The following AKAP12 variants were observed in gnomAD, a reference collection of about 807,000 sequenced individuals.
AKAP12 encodes A-kinase anchoring protein 12, also known as A-kinase anchor protein 12.
A neutral mutation model predicts 79.9 loss-of-function variants in AKAP12; 32 were observed. The observed-to-expected ratio is 0.40, with a 90% confidence interval of 0.30 to 0.54. The LOEUF is 0.54. Among genes scored for constraint, AKAP12 ranks in the 20% least tolerant of loss-of-function variants. AKAP12 has a pLI of 0.48. For synonymous variants in AKAP12, 808 were observed against 857.0 expected, an observed-to-expected ratio of 0.94 and a Z score of 1.00; for missense variants, 2,074 against 2,177.0, an observed-to-expected ratio of 0.95 and a Z score of 0.94.
At chr6:151,257,713 C>G (rs1352092268) in intron 2 of AKAP12, among the ~76,000 whole-genome samples, 1 of 152,124 alleles carries the variant, frequency 6.6e-6, no homozygotes, top group Non-Finnish European at 1.5e-5. Flanking sequence ...TGATTTTATT[C>G]TTTTTTATGG....
At chr6:151,303,601 T>G (rs4140529) in intron 2 of AKAP12, among the ~76,000 whole-genome samples, 59,396 of 151,946 alleles carry the variant, frequency 0.39, 12,141 homozygotes, top group East Asian at 0.69. Flanking sequence ...CAGTGGTGAG[T>G]CCAGAGTCAT....
At chr6:151,282,063 C>T (rs1776420918) in intron 2 of AKAP12, among the ~76,000 whole-genome samples, 1 of 151,714 alleles carries the variant, frequency 6.6e-6, no homozygotes, top group Non-Finnish European at 1.5e-5. Context: ...CCTCCTGTTC[C>T]CGCTCTCAGC....
Position 151,352,467 on chromosome 6 carries a change from A to G in AKAP12, c.4076A>G (p.Glu1359Gly), listed in dbSNP as rs1332585799. ...EPTHVNEEKL[E>G]HETAVTVSEE... is the part of the protein sequence containing the mutation. ...ACCCATGTGAATGAAGAGAAGCTTG[A>G]GCACGAAACAGCTGTTACCGTATCT... The change falls in exon 4 of 5, where the codon GAG becomes GGG. Residue 1359 changes from glutamate to glycine, a missense_variant. Physicochemically the swap from Glu to Gly is moderately conservative, Grantham distance 98. Around this residue, in one of 3 missense-constraint regions of AKAP12, gnomAD observed 614 missense variants for 665.6 expected, o/e 0.92. Coordinates refer to ENST00000402676, the MANE Select transcript of AKAP12 (RefSeq NM_005100.4). 1.2e-6 allele frequency: 2 copies of G among 1,614,080 alleles called. No individual in the cohort carries two copies. The highest frequency in any genetic ancestry group is 1.7e-6 in the Non-Finnish European group (2 of 1,180,032).
intron 2 of AKAP12, among the ~76,000 whole-genome samples, chr6:151,301,259 A>C (rs1297906053): frequency 6.6e-6 from 1 of 152,136 alleles, no homozygotes; most frequent in Non-Finnish European, 1.5e-5. Context: ...CAGACAGGAG[A>C]GACTGATTGA....
chr6:151,280,956 C>A (rs1776393810), intron 2 of AKAP12, among the ~76,000 whole-genome samples: 1 of 152,046 alleles, frequency 6.6e-6, no homozygotes, highest in Non-Finnish European at 1.5e-5. Context: ...AGAGAATTAC[C>A]ATTTCTTATG....
intron 3 of AKAP12, among the ~76,000 whole-genome samples, chr6:151,315,918 C>T (rs1582876001): frequency 6.6e-6 from 1 of 152,180 alleles, no homozygotes; most frequent in African/African-American, 2.4e-5. Flanking sequence ...CACCAGATCT[C>T]ATGAGAACTC....
intron 2 of AKAP12, among the ~76,000 whole-genome samples, chr6:151,295,836 A>T (rs1776713057): frequency 6.6e-6 from 1 of 152,158 alleles, no homozygotes; most frequent in Admixed American, 6.5e-5. Context: ...TGGGGTTCAG[A>T]CAGCTGGGCC....
At chr6:151,281,704 T>G (rs180867161) in intron 2 of AKAP12, among the ~76,000 whole-genome samples, 1 of 152,286 alleles carries the variant, frequency 6.6e-6, no homozygotes, top group African/African-American at 2.4e-5. Flanking sequence ...TTTTATTTAT[T>G]TGTTTATTGA....
At chr6:151,348,194 A>G (rs1778159450) in intron 3 of AKAP12, among the ~76,000 whole-genome samples, 1 of 150,408 alleles carries the variant, frequency 6.6e-6, no homozygotes, top group East Asian at 2.0e-4. Context: ...GGGCATGGTG[A>G]CAGACGCCTG....
chr6:151,257,852 G>A (rs1415901414), intron 2 of AKAP12, among the ~76,000 whole-genome samples: 1 of 152,110 alleles, frequency 6.6e-6, no homozygotes, highest in Non-Finnish European at 1.5e-5. Flanking sequence ...TTGGGGATTG[G>A]GTGGAAGAGA....
At chr6:151,338,566 C>T (rs1171830972) in intron 3 of AKAP12, among the ~76,000 whole-genome samples, 2 of 151,990 alleles carry the variant, frequency 1.3e-5, no homozygotes, top group Non-Finnish European at 2.9e-5. Context: ...AGCGATTCTC[C>T]CACCTCAGCT....
chr6:151,244,088 C>CT (rs1175673061), intron 2 of AKAP12, among the ~76,000 whole-genome samples: 1 of 152,166 alleles, frequency 6.6e-6, no homozygotes, highest in Non-Finnish European at 1.5e-5. Flanking sequence ...GCCATTGTCT[C>CT]TGGCAGGTGG....
At chr6:151,340,775 T>C (rs1777924332) in intron 3 of AKAP12, among the ~76,000 whole-genome samples, 1 of 116,812 alleles carries the variant, frequency 8.6e-6, no homozygotes, top group African/African-American at 5.2e-5. Context: ...TTTTGCTTGA[T>C]TTTCGTCCTG....
chr6:151,347,897 C>T (rs886639472), intron 3 of AKAP12, among the ~76,000 whole-genome samples: 14 of 141,884 alleles, frequency 9.9e-5, no homozygotes, highest in African/African-American at 3.3e-4. Context: ...ATTGACTGGG[C>T]GTGTTGGCTC....
chr6:151,253,044 G>A (rs1046832354), intron 2 of AKAP12, among the ~76,000 whole-genome samples: 4 of 152,150 alleles, frequency 2.6e-5, no homozygotes, highest in South Asian at 4.1e-4. Context: ...TTTTCTTTGT[G>A]TCTGAGCCTA....
rs1776963297 is a variant in AKAP12 at position 151,305,750 on chromosome 6, C to T, written c.166C>T (p.Leu56=). Residue 56 remains leucine, a synonymous_variant, in exon 3 of 5, where the codon CTA becomes TTA. Transcript: ENST00000402676. ...IAASDPATKL[L]QKNGQLSTIN... is the part of the protein sequence containing the mutation. ...TATGGCTTTGTCTTTTCCATAGCTC[C>T]TACAGAAGAATGGTCAGCTGTCCAC... The T allele has an allele frequency of 1.9e-6, 3 of 1,609,406 alleles. No homozygotes were observed. Among genetic ancestry groups the T allele is most frequent in the African/African-American group, 2.7e-5 (2 of 74,666 alleles).
chr6:151,350,342 T>C lies in AKAP12; in HGVS notation c.1951T>C (p.Ser651Pro). Residue 651 changes from serine (S) to proline (P), a missense_variant, in exon 4 of 5, where the codon TCT (serine) becomes CCT (proline). By Grantham distance (74) the Ser-to-Pro change is moderately conservative. Transcript: ENST00000402676. The surrounding 1 kb of genome is among the most constrained non-coding windows in gnomAD (Gnocchi z 4.8). The part of the protein sequence containing the change: ...ATLSSTESTA[S>P]EMQEEMKGSV... ...CTTGTCTTCCACCGAGAGCACAGCC[T>C]CTGAAATGCAAGAAGAAATGAAAGG... The C allele has an allele frequency of 2.5e-6, 4 of 1,612,560 alleles. No homozygotes were observed. The highest frequency in any genetic ancestry group is 3.4e-6 in the Non-Finnish European group (4 of 1,179,726).
chr6:151,294,983 A>C (rs1189063976), intron 2 of AKAP12, among the ~76,000 whole-genome samples: 1 of 152,188 alleles, frequency 6.6e-6, no homozygotes, highest in African/African-American at 2.4e-5. Flanking sequence ...TTTAAATTCT[A>C]AGTAAATCTG....
Position 151,308,672 on chromosome 6 carries a change from G to A in AKAP12, c.319+2769G>A, listed in dbSNP as rs184091672. Among the ~76,000 whole-genome samples, 298 of 152,232 alleles carry A rather than the reference G, an allele frequency of 2.0e-3. 1 individual carries two copies. Among genetic ancestry groups the A allele is most frequent in the Non-Finnish European group, 3.3e-3 (225 of 68,012 alleles). ...TTGGGGTGAGCTTTTGCTGTTTTAG[G>A]TCCAACTGCTATTCTCTTGGTTTAT... On this transcript the variant is annotated intron_variant, in intron 3 of 4. Transcript: ENST00000402676.
Sources: gnomAD v4.1 joint callset for allele counts (sites outside exome capture counted in the v4.1 genomes callset) on GRCh38, gnomAD v4.1.1 for gene constraint, gnomAD v4.1.1 regional missense constraint, Gnocchi (gnomAD v3.1) non-coding constraint, MANE v1.5 for transcripts, NCBI Gene and HGNC (gene_info 2026-07-23, HGNC 2026-07-21) for gene names.